Variants in GTF2F2 observed in about 807,000 individuals in gnomAD.
GTF2F2 encodes ATP-dependent helicase GTF2F2.
GTF2F2 carries 23 observed loss-of-function variants against 42.2 expected under a neutral mutation model. The ratio of observed to expected loss-of-function variants is 0.55; its 90% CI spans 0.39 to 0.77. GTF2F2 has a LOEUF of 0.77. GTF2F2 is among the 30% of genes least tolerant of loss of function. The pLI is 0.00. For synonymous variants in GTF2F2, 105 were observed against 100.8 expected (o/e 1.04, Z -0.25); for missense variants, 261 against 287.2 (o/e 0.91, Z 0.66).
intron 5 of GTF2F2, among the ~76,000 whole-genome samples, chr13:45,249,318 C>CCT (rs1875776871): frequency 1.3e-5 from 2 of 151,376 alleles, no homozygotes; most frequent in Admixed American, 6.6e-5. Flanking sequence ...TAATTAAAAC[C>CCT]CTTGTGGTTG....
Position 45,121,733 on chromosome 13 carries a change from T to C in GTF2F2, c.66+1012T>C, listed in dbSNP as rs1005602584. 2.6e-5 allele frequency among the ~76,000 whole-genome samples: 4 copies of C among 152,338 alleles called. No homozygotes were observed. The East Asian group carries it at 7.7e-4, about 29-fold the overall frequency. On this transcript the variant is annotated intron_variant, in intron 1 of 7. Coordinates refer to ENST00000340473, the MANE Select transcript of GTF2F2 (RefSeq NM_004128.3). ...CATACCCAGAATAGTGTTTGGCGCATGGTAATTACTCAACAAATAGATGAT... is the reference window on the plus strand; with the variant it reads ...CATACCCAGAATAGTGTTTGGCGCACGGTAATTACTCAACAAATAGATGAT...
chr13:45,162,593 C>G (rs957669141), intron 4 of GTF2F2, among the ~76,000 whole-genome samples: 4 of 152,280 alleles, frequency 2.6e-5, no homozygotes, highest in Middle Eastern at 6.8e-3. Context: ...AGAAAATGTT[C>G]CTTTATTTAG....
At chr13:45,157,130 A>G (rs1007310884) in intron 4 of GTF2F2, among the ~76,000 whole-genome samples, 1 of 152,178 alleles carries the variant, frequency 6.6e-6, no homozygotes, top group African/African-American at 2.4e-5. Flanking sequence ...AGGGGTAGCC[A>G]TGTGGAGTGA....
At chr13:45,264,251 TTTTTTTA>T (rs1162253449) in intron 6 of GTF2F2, among the ~76,000 whole-genome samples, 69 of 151,854 alleles carry the variant, frequency 4.5e-4, no homozygotes, top group African/African-American at 1.1e-3. Context: ...ACCAAGATTT[TTTTTTTA>T]TTTTTTATTT....
chr13:45,163,764 C>G (rs1372111655), intron 4 of GTF2F2, among the ~76,000 whole-genome samples: 1 of 151,972 alleles, frequency 6.6e-6, no homozygotes, highest in East Asian at 1.9e-4. Flanking sequence ...GTAAAAAATG[C>G]CATGTAACTG....
At chr13:45,124,060 G>A in intron 1 of GTF2F2, 2 of 1,079,684 alleles carry the variant, frequency 1.9e-6, no homozygotes, top group Non-Finnish European at 1.4e-6. Flanking sequence ...CCCTGTTGCT[G>A]TAGCCAAATT....
At chr13:45,146,876 C>G (rs1212239921) in intron 2 of GTF2F2, among the ~76,000 whole-genome samples, 1 of 152,160 alleles carries the variant, frequency 6.6e-6, no homozygotes, top group Non-Finnish European at 1.5e-5. Flanking sequence ...CACAGGTCAT[C>G]ATACAAAGGG....
chr13:45,132,322 G>T (rs1010884227), intron 1 of GTF2F2, among the ~76,000 whole-genome samples: 1 of 152,090 alleles, frequency 6.6e-6, no homozygotes, highest in African/African-American at 2.4e-5. Context: ...GTTTTGACTG[G>T]GGAAATATTG....
intron 6 of GTF2F2, among the ~76,000 whole-genome samples, chr13:45,258,177 C>G (rs894048372): frequency 6.6e-6 from 1 of 151,800 alleles, no homozygotes; most frequent in Non-Finnish European, 1.5e-5. Context: ...CTTGTCATGC[C>G]CTGTCTTTAA....
At chr13:45,152,756 T>G (rs1247038526) in intron 4 of GTF2F2, among the ~76,000 whole-genome samples, 1 of 152,246 alleles carries the variant, frequency 6.6e-6, no homozygotes, top group Non-Finnish European at 1.5e-5. Context: ...GAGAACTTTC[T>G]TGTGGCACAC....
chr13:45,265,655 C>T lies in GTF2F2; in HGVS notation c.487-1578C>T, dbSNP rs1259195802. The stretch of plus-strand genomic sequence containing the variant: ...CAAGGTTTTCAGTTACCTTTTACCA[C>T]TAATTTGACAGTCTCTCATAAGACA... On this transcript the variant is annotated intron_variant, in intron 6 of 7. Transcript: ENST00000340473. Among the ~76,000 whole-genome samples the T allele has an allele frequency of 2.6e-5, 4 of 152,182 alleles. No individual in the cohort carries two copies. In the East Asian group the frequency reaches 7.7e-4, roughly 29 times the overall value.
At chr13:45,278,566 A>G (rs1014437821) in intron 7 of GTF2F2, among the ~76,000 whole-genome samples, 1 of 152,200 alleles carries the variant, frequency 6.6e-6, no homozygotes, top group African/African-American at 2.4e-5. Context: ...TCTGTTTCAA[A>G]TACAGGTGGT....
intron 4 of GTF2F2, among the ~76,000 whole-genome samples, chr13:45,184,069 G>A (rs1192632114): frequency 6.6e-6 from 1 of 151,942 alleles, no homozygotes; most frequent in East Asian, 1.9e-4. Context: ...ATGTTGGCCA[G>A]GCTGGTCTTG....
chr13:45,144,895 A>G (rs914363647), intron 2 of GTF2F2, among the ~76,000 whole-genome samples: 1 of 152,192 alleles, frequency 6.6e-6, no homozygotes, highest in Admixed American at 6.5e-5. Context: ...ACTTTCTGAA[A>G]GGCAGTCTGG....
chr13:45,210,898 A>T (rs908257825), intron 5 of GTF2F2, among the ~76,000 whole-genome samples: 1 of 152,250 alleles, frequency 6.6e-6, no homozygotes, highest in African/African-American at 2.4e-5. Context: ...CTGGGAGATA[A>T]GCTTGAAGCA....
At chr13:45,201,140 C>T (rs1204977189) in intron 4 of GTF2F2, among the ~76,000 whole-genome samples, 4 of 152,120 alleles carry the variant, frequency 2.6e-5, no homozygotes, top group Non-Finnish European at 5.9e-5. Context: ...TTGCTTATTC[C>T]TTTAACTTCT....
In GTF2F2 at chr13:45,274,571, C is replaced by T. The variant is rs537606706; in HGVS notation, c.630+7195C>T. On this transcript the variant is annotated intron_variant, in intron 7 of 7. Coordinates refer to ENST00000340473, the MANE Select transcript of GTF2F2 (RefSeq NM_004128.3). The stretch of plus-strand genomic sequence containing the variant: ...ATCTCAATCTCCTGACCTCGTGATC[C>T]GCCCACCTTGACCACCTAAAGTGTT... Among the ~76,000 whole-genome samples the T allele has an allele frequency of 4.6e-5, 7 of 152,082 alleles. No homozygotes were observed. The East Asian group carries it at 1.2e-3, about 25-fold the overall frequency.
Position 45,283,528 on chromosome 13 carries a change from C to T in GTF2F2, c.717C>T (p.Tyr239=). The part of the protein sequence containing the change: ...HKNTWELKPE[Y]RHYQGEEKSD ...ACACATGGGAGCTGAAGCCAGAGTA[C>T]AGACACTATCAAGGAGAAGAAAAGA... Residue 239 remains tyrosine, a synonymous_variant, in exon 8 of 8, where the codon TAC becomes TAT. Coordinates refer to ENST00000340473, the MANE Select transcript of GTF2F2 (RefSeq NM_004128.3). 6.2e-7 allele frequency: 1 copy of T among 1,612,614 alleles called. No individual in the cohort carries two copies. The highest frequency in any genetic ancestry group is 1.1e-5 in the South Asian group (1 of 90,964).
At chr13:45,251,071 G>T (rs1319090187) in intron 5 of GTF2F2, among the ~76,000 whole-genome samples, 1 of 152,150 alleles carries the variant, frequency 6.6e-6, no homozygotes, top group African/African-American at 2.4e-5. Context: ...TTTCCATACA[G>T]AAATGAGTAT....
Sources: gnomAD v4.1 joint callset for allele counts (sites outside exome capture counted in the v4.1 genomes callset) on GRCh38, gnomAD v4.1.1 for gene constraint, MANE v1.5 for transcripts, NCBI Gene and HGNC (gene_info 2026-07-23, HGNC 2026-07-21) for gene names.